The following RBFOX2 variants were observed in gnomAD, a reference collection of about 807,000 sequenced individuals.
RBFOX2 encodes the protein RNA binding fox-1 homolog 2.
RBFOX2 carries 10 observed loss-of-function variants against 49.1 expected under a neutral mutation model. The ratio of observed to expected loss-of-function variants is 0.20; its 90% CI spans 0.13 to 0.35. RBFOX2 has a LOEUF of 0.35. Among genes scored for constraint, RBFOX2 ranks in the 10% least tolerant of loss-of-function variants. The probability of loss-of-function intolerance (pLI) is 1.00; values close to 1 mark genes in which losing one functional copy is unlikely to be tolerated. For synonymous variants in RBFOX2, 183 were observed against 187.4 expected, an observed-to-expected ratio of 0.98 and a Z score of 0.19; for missense variants, 323 against 486.9, an observed-to-expected ratio of 0.66 and a Z score of 3.17.
chr22:35,965,967 C>T (rs764412654), upstream of RBFOX2, among the ~76,000 whole-genome samples: 7 of 152,156 alleles, frequency 4.6e-5, no homozygotes, highest in Non-Finnish European at 8.8e-5. Flanking sequence ...CCCCCCGCCC[C>T]CTGCCATGTA....
upstream of RBFOX2, among the ~76,000 whole-genome samples, chr22:35,941,136 G>A (rs781033448): frequency 4.6e-5 from 7 of 152,102 alleles, no homozygotes; most frequent in Non-Finnish European, 1.0e-4. Context: ...TATAGGCAAT[G>A]TTGGCTATTT....
chr22:35,994,973 A>G (rs990979681), intron 1 of RBFOX2: 6 of 152,226 alleles, frequency 3.9e-5, no homozygotes, highest in African/African-American at 1.2e-4. Flanking sequence ...AATGTTTTAG[A>G]TAACTAAAGG....
intron 1 of RBFOX2, among the ~76,000 whole-genome samples, chr22:35,890,346 G>A (rs1167080421): frequency 1.3e-5 from 2 of 152,174 alleles, no homozygotes; most frequent in Admixed American, 1.3e-4. Context: ...GAAACTTTGG[G>A]TAGTACTGAA....
chr22:35,757,766 T>C (rs1190745614), intron 9 of RBFOX2, among the ~76,000 whole-genome samples: 2 of 152,208 alleles, frequency 1.3e-5, no homozygotes, highest in Non-Finnish European at 2.9e-5. Flanking sequence ...AGTCTGATAT[T>C]AGAAAGTAAT....
At chr22:35,807,649 A>C (rs180951902) in intron 2 of RBFOX2, among the ~76,000 whole-genome samples, 1 of 152,160 alleles carries the variant, frequency 6.6e-6, no homozygotes, top group East Asian at 1.9e-4. Flanking sequence ...GAAAATCTAA[A>C]ATCAATCACC....
intron 1 of RBFOX2, among the ~76,000 whole-genome samples, chr22:35,839,039 G>C (rs750174079): frequency 6.6e-6 from 1 of 151,972 alleles, no homozygotes; most frequent in Admixed American, 6.5e-5. Flanking sequence ...GAAGAGAAGA[G>C]AGAACACAAA....
At chr22:36,003,579 T>TA (rs2058510956) in intron 1 of RBFOX2, among the ~76,000 whole-genome samples, 1 of 152,240 alleles carries the variant, frequency 6.6e-6, no homozygotes, top group Non-Finnish European at 1.5e-5. Flanking sequence ...ACTGGCCTTA[T>TA]ACGTTTGAGT....
chr22:35,908,926 T>C (rs1671207497), intron 1 of RBFOX2, among the ~76,000 whole-genome samples: 1 of 150,602 alleles, frequency 6.6e-6, no homozygotes, highest in African/African-American at 2.4e-5. Context: ...CACTGCAACC[T>C]CCACCTCCCA....
intron 1 of RBFOX2, chr22:35,897,310 A>C: frequency 2.0e-6 from 3 of 1,498,034 alleles, no homozygotes; most frequent in East Asian, 4.5e-5. Context: ...ATTTCAGCAG[A>C]CAGCCAGCAG....
intron 1 of RBFOX2, among the ~76,000 whole-genome samples, chr22:35,837,647 A>G (rs954410871): frequency 1.3e-5 from 2 of 152,240 alleles, no homozygotes; most frequent in African/African-American, 4.8e-5. Context: ...CACAGAAAGT[A>G]TATACAACAA....
chr22:35,803,939 AT>A (rs1950228577), intron 2 of RBFOX2, among the ~76,000 whole-genome samples: 1 of 152,144 alleles, frequency 6.6e-6, no homozygotes, highest in African/African-American at 2.4e-5. Context: ...TTCAGACTGA[AT>A]TTTTTTAAGA....
chr22:35,974,754 A>G (rs780243797), intron 1 of RBFOX2, among the ~76,000 whole-genome samples: 2 of 152,072 alleles, frequency 1.3e-5, no homozygotes, highest in Non-Finnish European at 2.9e-5. Flanking sequence ...CAATCCTAAC[A>G]CTACTTTCAA....
intron 9 of RBFOX2, among the ~76,000 whole-genome samples, chr22:35,753,494 G>A (rs1247667744): frequency 6.6e-6 from 1 of 151,986 alleles, no homozygotes; most frequent in African/African-American, 2.4e-5. Flanking sequence ...TCTGCTTTAA[G>A]ATAAGAACTA....
rs550389455 is a variant in RBFOX2, at chr22:35,882,867, G to A, written c.-34+55980C>T. Among the ~76,000 whole-genome samples, 181 of 152,320 alleles carry A rather than the reference G, an allele frequency of 1.2e-3. 1 individual carries two copies. Among genetic ancestry groups the A allele is most frequent in the African/African-American group, 4.1e-3 (171 of 41,578 alleles). ...ATTTAACAACAGCATGGCATTCTGG[G>A]AGCCTAGATGGCAGAGTATTAGGGC... On this transcript the variant is annotated intron_variant, in intron 1 of 13. Coordinates refer to the RBFOX2 transcript ENST00000359369.
chr22:35,906,090 T>C (rs1046735789), intron 1 of RBFOX2, among the ~76,000 whole-genome samples: 1 of 152,154 alleles, frequency 6.6e-6, no homozygotes, highest in African/African-American at 2.4e-5. Flanking sequence ...TAATGACACA[T>C]TTCTCAAAAA....
At chr22:35,790,819 CAACCCTGGTGA>C (rs1486184384) in intron 2 of RBFOX2, among the ~76,000 whole-genome samples, 2 of 152,148 alleles carry the variant, frequency 1.3e-5, no homozygotes, top group Non-Finnish European at 2.9e-5. Context: ...CCAGCCTGAA[CAACCCTGGTGA>C]AACCCTATCT....
At chr22:35,861,009 G>A (rs1014288549) in intron 1 of RBFOX2, among the ~76,000 whole-genome samples, 4 of 152,144 alleles carry the variant, frequency 2.6e-5, no homozygotes, top group Admixed American at 6.5e-5. Context: ...GGTGTCAAGA[G>A]AGAAAAATAG....
chr22:35,804,070 G>C (rs887549791), intron 2 of RBFOX2, among the ~76,000 whole-genome samples: 4 of 152,176 alleles, frequency 2.6e-5, no homozygotes, highest in African/African-American at 7.2e-5. Context: ...ATGAGGTCAG[G>C]TGTTTGAGAC....
chr22:35,925,700 C>T (rs1312704177), intron 1 of RBFOX2, among the ~76,000 whole-genome samples: 1 of 152,124 alleles, frequency 6.6e-6, no homozygotes, highest in Non-Finnish European at 1.5e-5. Flanking sequence ...GAATTCAAAC[C>T]CACATTTAAT....
Sources: gnomAD v4.1 joint callset for allele counts (sites outside exome capture counted in the v4.1 genomes callset) on GRCh38, gnomAD v4.1.1 for gene constraint, MANE v1.5 for transcripts, NCBI Gene and HGNC (gene_info 2026-07-23, HGNC 2026-07-21) for gene names.